PLCB4: variants seen among roughly 807,000 people sequenced by gnomAD.
PLCB4 encodes the protein phospholipase C beta 4, also known as 1-phosphatidylinositol 4,5-bisphosphate phosphodiesterase beta-4.
Under a neutral mutation model 178.8 loss-of-function variants are expected in PLCB4, and 77 were observed. That is an observed-to-expected ratio of 0.43 (90% CI 0.36 to 0.52). The LOEUF is 0.52. PLCB4 is among the 20% of genes least tolerant of loss of function. The pLI is 0.00. For missense variants in PLCB4, 1,024 were observed against 1,453.4 expected, an observed-to-expected ratio of 0.70 and a Z score of 4.80; for synonymous variants, 496 against 490.8, an observed-to-expected ratio of 1.01 and a Z score of -0.14.
intron 1 of PLCB4, among the ~76,000 whole-genome samples, chr20:9,083,678 G>T (rs116682454): frequency 2.0e-5 from 3 of 152,030 alleles, no homozygotes; most frequent in Non-Finnish European, 4.4e-5. Context: ...ACTTACTGAG[G>T]GTCACATGGT....
chr20:9,402,317 A>G (rs747088873), intron 20 of PLCB4, among the ~76,000 whole-genome samples: 5 of 152,250 alleles, frequency 3.3e-5, no homozygotes, highest in Non-Finnish European at 7.3e-5. Context: ...TTGGCCATGC[A>G]CAGAGGTTGA....
chr20:9,468,746 TAC>T (rs922570188), intron 36 of PLCB4, 74 bp downstream of exon 36: 907 of 802,038 alleles, frequency 1.1e-3, no homozygotes, highest in South Asian at 1.6e-3. Flanking sequence ...TTTATGTGTG[TAC>T]ACACACACAC....
chr20:9,459,133 C>T (rs570340309), intron 34 of PLCB4, among the ~76,000 whole-genome samples: 4 of 152,294 alleles, frequency 2.6e-5, no homozygotes, highest in African/African-American at 7.2e-5. Context: ...CACCTGAGAT[C>T]GGGAGTTTGA....
chr20:9,349,197 T>C (rs2034101769), intron 7 of PLCB4, among the ~76,000 whole-genome samples: 1 of 152,200 alleles, frequency 6.6e-6, no homozygotes, highest in Non-Finnish European at 1.5e-5. Context: ...TGCCATTTAG[T>C]ACATTCACCA....
At chr20:9,175,650 T>C (rs2093142227) in intron 2 of PLCB4, among the ~76,000 whole-genome samples, 1 of 152,114 alleles carries the variant, frequency 6.6e-6, no homozygotes, top group Non-Finnish European at 1.5e-5. Flanking sequence ...AGTGATATGA[T>C]ATCAACTCAC....
At chr20:9,229,143 A>G (rs563973148) in intron 3 of PLCB4, among the ~76,000 whole-genome samples, 1 of 152,352 alleles carries the variant, frequency 6.6e-6, no homozygotes, top group East Asian at 1.9e-4. Context: ...AGTGGTTCTT[A>G]AAGGTCATCC....
intron 2 of PLCB4, among the ~76,000 whole-genome samples, chr20:9,173,395 A>G (rs1296994272): frequency 6.6e-6 from 1 of 152,138 alleles, no homozygotes; most frequent in African/African-American, 2.4e-5. Flanking sequence ...TTTAGAGGAG[A>G]CACACGCTCT....
chr20:9,322,125 T>TTC (rs1030709413), intron 4 of PLCB4, among the ~76,000 whole-genome samples: 1 of 145,200 alleles, frequency 6.9e-6, no homozygotes, highest in African/African-American at 2.6e-5. Context: ...TAATTTTTTT[T>TTC]TTTTTTTTTT....
At chr20:9,179,273 G>A (rs1284696568) in intron 2 of PLCB4, among the ~76,000 whole-genome samples, 1 of 152,102 alleles carries the variant, frequency 6.6e-6, no homozygotes, top group African/African-American at 2.4e-5. Flanking sequence ...GTAAAACAGT[G>A]AGGAGAAGAG....
At position 9,150,053 on chromosome 20, in the gene PLCB4, G is replaced by A. The variant is rs553525598; in HGVS notation, c.-79+53711G>A. Among the ~76,000 whole-genome samples the A allele has an allele frequency of 6.6e-5, 10 of 152,298 alleles. No homozygotes were observed. In the South Asian group the frequency reaches 1.9e-3, roughly 28 times the overall value. On this transcript the variant is annotated intron_variant, in intron 2 of 39. Transcript: ENST00000378473. ...TTCCAGAGAGGACTGACAGTTGAGGGCATTCTGCCTGCATCACTCATAGTA... is the reference window on the plus strand; with the variant it reads ...TTCCAGAGAGGACTGACAGTTGAGGACATTCTGCCTGCATCACTCATAGTA...
chr20:9,345,332 C>A (rs1047215728), intron 7 of PLCB4, among the ~76,000 whole-genome samples: 1 of 152,058 alleles, frequency 6.6e-6, no homozygotes, highest in Non-Finnish European at 1.5e-5. Flanking sequence ...TGAATATGAG[C>A]ATTCTAATAA....
intron 3 of PLCB4, among the ~76,000 whole-genome samples, chr20:9,252,917 A>T (rs1190931438): frequency 2.8e-4 from 43 of 152,162 alleles, no homozygotes; most frequent in Admixed American, 2.8e-3. Context: ...TGGTTTAGAC[A>T]GGAGTGACAC....
chr20:9,240,557 T>C (rs1409246965), intron 3 of PLCB4, among the ~76,000 whole-genome samples: 1 of 152,184 alleles, frequency 6.6e-6, no homozygotes, highest in African/African-American at 2.4e-5. Flanking sequence ...TATTGTGTTC[T>C]GTGCTGTGTC....
intron 17 of PLCB4, among the ~76,000 whole-genome samples, chr20:9,392,276 A>G (rs2039978591): frequency 6.6e-6 from 1 of 152,214 alleles, no homozygotes; most frequent in African/African-American, 2.4e-5. Context: ...TTGAAAATGA[A>G]AGTACACTCC....
At chr20:9,358,151 G>A (rs939578228) in intron 7 of PLCB4, among the ~76,000 whole-genome samples, 11 of 152,226 alleles carry the variant, frequency 7.2e-5, no homozygotes, top group Admixed American at 1.3e-4. Context: ...TGATTAAAAC[G>A]TGGATTCCTA....
chr20:9,440,985 C>T (rs573080386), intron 30 of PLCB4, among the ~76,000 whole-genome samples: 1 of 152,120 alleles, frequency 6.6e-6, no homozygotes, highest in South Asian at 2.1e-4. Context: ...GTTAACATCC[C>T]GTTTACAACT....
At chr20:9,093,009 TTTTG>T (rs1327997903) in intron 1 of PLCB4, among the ~76,000 whole-genome samples, 1 of 152,154 alleles carries the variant, frequency 6.6e-6, no homozygotes, top group Non-Finnish European at 1.5e-5. Flanking sequence ...TACCTGGGAA[TTTTG>T]TTTTTGTCAC....
chr20:9,210,477 A>G (rs2093661689), intron 2 of PLCB4, among the ~76,000 whole-genome samples: 1 of 152,138 alleles, frequency 6.6e-6, no homozygotes, highest in South Asian at 2.1e-4. Context: ...AGAGGAGAAC[A>G]TAGGTGACGG....
In PLCB4 at chr20:9,278,033, A is replaced by G. The variant is rs534195909; in HGVS notation, c.-15-29767A>G. Among the ~76,000 whole-genome samples, 4 of 152,110 alleles carry G rather than the reference A, an allele frequency of 2.6e-5. No individual in the cohort carries two copies. In the South Asian group the frequency reaches 6.2e-4, roughly 24 times the overall value. On this transcript the variant is annotated intron_variant, in intron 3 of 39. Transcript: ENST00000378473. ...TATTTGTATTCAATTAAATCTCACA[A>G]GCCACCCAGAGTGAATGTTTTCATG...
Sources: allele counts gnomAD v4.1 joint callset (sites outside exome capture counted in the v4.1 genomes callset), GRCh38; gene constraint gnomAD v4.1.1; transcripts MANE v1.5; gene names NCBI Gene and HGNC (gene_info 2026-07-23, HGNC 2026-07-21).